The following GPC3 variants were observed in gnomAD, a reference collection of about 807,000 sequenced individuals.
GPC3 encodes the protein glypican-3.
GPC3 carries 3 observed loss-of-function variants against 34.4 expected under a neutral mutation model. The ratio of observed to expected loss-of-function variants is 0.09; its 90% CI spans 0.04 to 0.23. The LOEUF (loss-of-function observed/expected upper bound fraction) is 0.23, where lower values mean the gene tolerates loss of function less well. Ranked by LOEUF, GPC3 falls within the 10% of genes least tolerant of loss-of-function variation. GPC3 has a pLI of 1.00. For synonymous variants in GPC3, 177 were observed against 174.0 expected, an observed-to-expected ratio of 1.02 and a Z score of -0.13; for missense variants, 351 against 445.6, an observed-to-expected ratio of 0.79 and a Z score of 1.91.
At chrX:133,941,589 T>C (rs2076345274) in intron 2 of GPC3, among the ~76,000 whole-genome samples, 1 of 112,000 alleles carries the variant, frequency 8.9e-6, no homozygotes, top group Non-Finnish European at 1.9e-5. Context: ...AAAACAAACT[T>C]AGAGACTTTG....
At chrX:133,796,293 G>A (rs2075581794) in intron 2 of GPC3, among the ~76,000 whole-genome samples, 2 of 111,887 alleles carry the variant, frequency 1.8e-5, no homozygotes, top group African/African-American at 6.5e-5. Flanking sequence ...TCTGTATGCT[G>A]AAGTATAAGT....
At chrX:133,806,729 A>G (rs2075637835) in intron 2 of GPC3, among the ~76,000 whole-genome samples, 1 of 109,941 alleles carries the variant, frequency 9.1e-6, no homozygotes, top group Admixed American at 9.7e-5. Flanking sequence ...GCTCACTGCA[A>G]GTTCCGCCTC....
chrX:133,866,541 TG>T (rs965500924), intron 2 of GPC3, among the ~76,000 whole-genome samples: 1 of 112,224 alleles, frequency 8.9e-6, no homozygotes, highest in African/African-American at 3.2e-5. Context: ...AGAAGGTAAT[TG>T]AAATAGATTT....
intron 2 of GPC3, among the ~76,000 whole-genome samples, chrX:133,760,263 T>A (rs1158607782): frequency 8.9e-6 from 1 of 112,156 alleles, no homozygotes; most frequent in Admixed American, 9.5e-5. Flanking sequence ...ACTCTTACCA[T>A]GTGATCCAGC....
At chrX:133,669,366 C>T (rs962331677) in intron 5 of GPC3, among the ~76,000 whole-genome samples, 7 of 112,551 alleles carry the variant, frequency 6.2e-5, no homozygotes, top group Admixed American at 4.7e-4. Flanking sequence ...GTGTGATGTG[C>T]CCCTGGGGAA....
intron 7 of GPC3, among the ~76,000 whole-genome samples, chrX:133,568,067 G>A (rs1006911545): frequency 2.7e-5 from 3 of 112,105 alleles, no homozygotes; most frequent in Non-Finnish European, 5.6e-5. Context: ...CTACAAAGGA[G>A]AGCGAAATCC....
chrX:133,818,355 G>A (rs960233342), intron 2 of GPC3, among the ~76,000 whole-genome samples: 2 of 111,800 alleles, frequency 1.8e-5, no homozygotes, highest in African/African-American at 6.5e-5. Flanking sequence ...ATTATTCCAA[G>A]TGGTTTAAAA....
At chrX:133,910,685 A>C (rs1440857206) in intron 2 of GPC3, among the ~76,000 whole-genome samples, 3 of 112,390 alleles carry the variant, frequency 2.7e-5, no homozygotes, top group Non-Finnish European at 5.6e-5. Context: ...ATCTAAGCAC[A>C]AAGAAGGCAC....
chrX:133,669,308 C>G (rs1334311061), intron 5 of GPC3, among the ~76,000 whole-genome samples: 1 of 112,419 alleles, frequency 8.9e-6, no homozygotes, highest in Non-Finnish European at 1.9e-5. Flanking sequence ...ATAACAATGT[C>G]TTAGTGCATC....
At chrX:133,752,114 C>T (rs186275483) in intron 3 of GPC3, among the ~76,000 whole-genome samples, 88 of 110,840 alleles carry the variant, frequency 7.9e-4, no homozygotes, top group Non-Finnish European at 1.5e-3. Context: ...ACAACCCTCC[C>T]GCCTAGGCAT....
At chrX:133,856,202 C>T (rs1433381276) in intron 2 of GPC3, among the ~76,000 whole-genome samples, 2 of 111,540 alleles carry the variant, frequency 1.8e-5, no homozygotes, top group African/African-American at 6.5e-5. Flanking sequence ...ATACTGTTTT[C>T]CATAATGGAT....
chrX:133,895,420 C>A (rs370327065), intron 2 of GPC3, among the ~76,000 whole-genome samples: 1 of 111,367 alleles, frequency 9.0e-6, no homozygotes, highest in Non-Finnish European at 1.9e-5. Flanking sequence ...ATCTCCACCC[C>A]CCGTCCCAAG....
intron 2 of GPC3, among the ~76,000 whole-genome samples, chrX:133,790,575 A>C (rs2072150667): frequency 8.9e-6 from 1 of 111,910 alleles, no homozygotes; most frequent in African/African-American, 3.3e-5. Flanking sequence ...AAAAATGCTG[A>C]CTTAAAAAAT....
At chrX:133,548,501 T>C (rs147634629) in intron 7 of GPC3, among the ~76,000 whole-genome samples, 1,729 of 112,202 alleles carry the variant, frequency 0.015, 29 homozygotes, top group African/African-American at 0.053. Flanking sequence ...AAGGTACTCA[T>C]ACAATAGCCA....
intron 2 of GPC3, among the ~76,000 whole-genome samples, chrX:133,826,560 C>G (rs1219638669): frequency 2.7e-5 from 3 of 110,844 alleles, no homozygotes; most frequent in Non-Finnish European, 5.7e-5. Context: ...TATCATCAAG[C>G]ATACCAACAA....
At chrX:133,662,754 A>G (rs1160497935) in intron 5 of GPC3, among the ~76,000 whole-genome samples, 2 of 112,014 alleles carry the variant, frequency 1.8e-5, no homozygotes, top group Admixed American at 1.9e-4. Context: ...CACCATTGCC[A>G]AAGAGAGAAA....
At chrX:133,702,122 G>T (rs1313718688) in intron 3 of GPC3, among the ~76,000 whole-genome samples, 3 of 112,007 alleles carry the variant, frequency 2.7e-5, no homozygotes. Context: ...GTAGCAGTCT[G>T]GTAGGGTGCT....
At chrX:133,863,982 C>T (rs1344288456) in intron 2 of GPC3, among the ~76,000 whole-genome samples, 1 of 111,869 alleles carries the variant, frequency 8.9e-6, no homozygotes, top group East Asian at 2.8e-4. Flanking sequence ...AGATAACACA[C>T]TACGCCTTTT....
At chrX:133,594,105 C>A (rs1035650597) in intron 7 of GPC3, among the ~76,000 whole-genome samples, 1 of 110,278 alleles carries the variant, frequency 9.1e-6, no homozygotes, top group African/African-American at 3.3e-5. Context: ...TCAAAAAAAA[C>A]AAAAACAAAA....
Sources: allele counts gnomAD v4.1 joint callset (sites outside exome capture counted in the v4.1 genomes callset), GRCh38; gene constraint gnomAD v4.1.1; transcripts MANE v1.5; gene names NCBI Gene and HGNC (gene_info 2026-07-23, HGNC 2026-07-21).